The following BIRC6 variants were observed in gnomAD, a reference collection of about 807,000 sequenced individuals.
The protein encoded by BIRC6 is baculoviral IAP repeat containing 6, also known as dual E2 ubiquitin-conjugating enzyme/E3 ubiquitin-protein ligase BIRC6.
A neutral mutation model predicts 503.3 loss-of-function variants in BIRC6; 98 were observed. That is an observed-to-expected ratio of 0.19 (90% CI 0.17 to 0.23). The LOEUF (loss-of-function observed/expected upper bound fraction) is 0.23. BIRC6 is among the 10% of genes least tolerant of loss of function. The pLI is 1.00. For missense variants in BIRC6, 5,360 were observed against 5,806.0 expected (o/e 0.92, Z 2.50); for synonymous variants, 2,240 against 2,078.7 (o/e 1.08, Z -2.11).
chr2:32,583,694 G>C (rs755792497), intron 66 of BIRC6, among the ~76,000 whole-genome samples: 3 of 152,126 alleles, frequency 2.0e-5, no homozygotes, highest in African/African-American at 4.8e-5. Context: ...CATTTTGAAT[G>C]TGTACTTTAC....
intron 66 of BIRC6, among the ~76,000 whole-genome samples, chr2:32,589,951 T>C (rs966965098): frequency 6.6e-6 from 1 of 152,188 alleles, no homozygotes; most frequent in Non-Finnish European, 1.5e-5. Context: ...ATATTTTTCT[T>C]TCAACATTCA....
chr2:32,403,573 T>C (rs755281501), intron 8 of BIRC6, among the ~76,000 whole-genome samples: 1 of 152,188 alleles, frequency 6.6e-6, no homozygotes, highest in Non-Finnish European at 1.5e-5. Flanking sequence ...GTATATCAGG[T>C]CAAGTTGGTA....
At chr2:32,401,963 A>T (rs1156964380) in intron 8 of BIRC6, among the ~76,000 whole-genome samples, 1 of 152,214 alleles carries the variant, frequency 6.6e-6, no homozygotes, top group Non-Finnish European at 1.5e-5. Context: ...AAATCTTTTC[A>T]TAGAGCATTC....
Position 32,442,208 on chromosome 2 carries a change from A to G in BIRC6, c.4088A>G (p.His1363Arg). The change falls in exon 18 of 74, where the codon CAT becomes CGT. Residue 1363 changes from histidine (H) to arginine (R), a missense_variant. Coordinates refer to ENST00000421745, the MANE Select transcript of BIRC6 (RefSeq NM_016252.4). ...ACTCTCTGTTGGTTAGCTGGAGTTC[A>G]TTCAAATGGACCCGGAAGGTTAATA... ...LDTLCWLAGV[H>R]SNGPGSSKEG... 1.2e-6 allele frequency: 2 copies of G among 1,606,838 alleles called. No individual in the cohort carries two copies. The highest frequency in any genetic ancestry group is 1.3e-5 in the African/African-American group (1 of 74,470).
chr2:32,613,379 T>TTTTA (rs1215149700), intron 73 of BIRC6, among the ~76,000 whole-genome samples: 3 of 151,800 alleles, frequency 2.0e-5, no homozygotes, highest in South Asian at 2.1e-4. Flanking sequence ...TCATTATTTA[T>TTTTA]TTTATTTATT....
At chr2:32,488,853 G>C (rs1454245442) in intron 42 of BIRC6, 139 bp downstream of exon 42, 4 of 601,190 alleles carry the variant, frequency 6.7e-6, no homozygotes, top group Non-Finnish European at 7.9e-6. Flanking sequence ...TTTTTAAAAA[G>C]ATGCACTAAC....
rs566542090 is a variant in BIRC6, at chr2:32,504,936, T to C, written c.9500-69T>C. On this transcript the variant is annotated intron_variant, in intron 49 of 73. Coordinates refer to ENST00000421745, the MANE Select transcript of BIRC6 (RefSeq NM_016252.4). ...AATTTTTCTAGTTTAATTGTATTTG[T>C]ATAGATTTTAAAGCTTTATTATGTT... The C allele has an allele frequency of 4.1e-5, 55 of 1,332,538 alleles. No individual in the cohort carries two copies. The African/African-American group carries it at 6.2e-4, about 15-fold the overall frequency. The allele number at this position is 1,332,538 out of a possible 1,614,324, so 82.5% of individuals were successfully genotyped here. A position where few individuals can be genotyped will look rare whatever the true frequency, so the allele number is the denominator to read the frequency against.
chr2:32,357,169 CTGGTGGTGGT>C lies in BIRC6; in HGVS notation c.9_18del (p.Gly4LeufsTer14). 1.3e-6 allele frequency: 2 copies of C among 1,521,834 alleles called. No homozygotes were observed. The highest frequency in any genetic ancestry group is 1.7e-6 in the Non-Finnish European group (2 of 1,144,850). The allele number at this position is 1,521,834 out of a possible 1,614,324, so 94.3% of individuals were successfully genotyped here. On this transcript the variant is annotated frameshift_variant, in exon 1 of 74. Coordinates refer to ENST00000421745, the MANE Select transcript of BIRC6 (RefSeq NM_016252.4). LOFTEE classifies it high-confidence loss of function. This position sits in a 1 kb window ranked among gnomAD's most constrained non-coding sequence, Gnocchi z 4.9. ...CTTGCCCCCTGGCCCCGGATGGTGA[CTGGTGGTGGT>C]GCTGCACCTCCCGGGACTGTCACTG...
chr2:32,431,439 A>G (rs751228451), intron 12 of BIRC6, among the ~76,000 whole-genome samples: 1 of 151,826 alleles, frequency 6.6e-6, no homozygotes, highest in Non-Finnish European at 1.5e-5. Context: ...CAGGTGATCC[A>G]CCTACCTCGG....
At position 32,364,956 on chromosome 2, in the gene BIRC6, C is replaced by A. The variant is rs548148766; in HGVS notation, c.325+7470C>A. On this transcript the variant is annotated intron_variant, in intron 1 of 73. Transcript: ENST00000421745. ...AATTCCTGGCTAACTTCGGTACATG[C>A]GGCATTCCTACTCTCAACTATTCTT... Among the ~76,000 whole-genome samples, 13 of 152,138 alleles carry A rather than the reference C, an allele frequency of 8.5e-5. No homozygotes were observed. In the East Asian group the frequency reaches 2.5e-3, roughly 29 times the overall value.
At position 32,493,528 on chromosome 2, in the gene BIRC6, A is replaced by T. The variant is rs745796205; in HGVS notation, c.8341-12A>T. ...AGTAAGCAGTTTTCAGTGAATATAC[A>T]TTTCTCTTTAGGTTGGTCCTACAGC... On this transcript the variant is annotated splice_polypyrimidine_tract_variant and intron_variant, in intron 44 of 73. Coordinates refer to ENST00000421745, the MANE Select transcript of BIRC6 (RefSeq NM_016252.4). 4.4e-6 allele frequency: 7 copies of T among 1,591,508 alleles called. No homozygotes were observed. The highest frequency in any genetic ancestry group is 6.0e-6 in the Non-Finnish European group (7 of 1,166,148).
chr2:32,357,113 G>A lies in BIRC6; in HGVS notation c.-49G>A. On this transcript the variant is annotated 5_prime_UTR_variant, in exon 1 of 74. Transcript: ENST00000421745. This position sits in a 1 kb window ranked among gnomAD's most constrained non-coding sequence, Gnocchi z 4.9. Reference sequence around the variant, plus strand: ...ATCGACGTTCCGCGTGCGTGCGGGCGCCTGACTTCACTTCCGGCTAACGCG... The same window carrying A: ...ATCGACGTTCCGCGTGCGTGCGGGCACCTGACTTCACTTCCGGCTAACGCG... The A allele has an allele frequency of 2.1e-6, 3 of 1,408,282 alleles. No homozygotes were observed. The highest frequency in any genetic ancestry group is 2.9e-5 in the East Asian group (1 of 34,328). 87.2% of individuals were successfully genotyped at this position (1,408,282 alleles called of 1,614,324 possible). A position where few individuals can be genotyped will look rare whatever the true frequency, so the allele number is the denominator to read the frequency against.
At chr2:32,597,339 G>T (rs769544716) in intron 68 of BIRC6, among the ~76,000 whole-genome samples, 1 of 152,082 alleles carries the variant, frequency 6.6e-6, no homozygotes. Context: ...GAAGAGAAAT[G>T]ATTGATTAAA....
chr2:32,612,025 G>A (rs1238967307), intron 73 of BIRC6, among the ~76,000 whole-genome samples: 1 of 152,114 alleles, frequency 6.6e-6, no homozygotes, highest in African/African-American at 2.4e-5. Flanking sequence ...ACAGGTAGCT[G>A]CCACAGTGCC....
chr2:32,504,812 T>C (rs1186895869), intron 49 of BIRC6, among the ~76,000 whole-genome samples, 193 bp from the exon 50 acceptor site: 2 of 152,228 alleles, frequency 1.3e-5, no homozygotes, highest in Non-Finnish European at 2.9e-5. Context: ...CTTGTCACCT[T>C]GCCAGTTGAC....
At chr2:32,384,852 C>T (rs528039056) in intron 3 of BIRC6, among the ~76,000 whole-genome samples, 1 of 152,238 alleles carries the variant, frequency 6.6e-6, no homozygotes, top group East Asian at 1.9e-4. Flanking sequence ...ATAACTTCTC[C>T]CATTTCTTCT....
At position 32,379,449 on chromosome 2, in the gene BIRC6, C is replaced by G. The variant is rs190888674; in HGVS notation, c.508-704C>G. 1.4e-4 allele frequency: 22 copies of G among 152,314 alleles called. No homozygotes were observed. The East Asian group carries it at 4.0e-3, about 28-fold the overall frequency. The allele number at this position is 152,314 out of a possible 1,614,324, so 9.4% of individuals were successfully genotyped here. A position where few individuals can be genotyped will look rare whatever the true frequency, so the allele number is the denominator to read the frequency against. On this transcript the variant is annotated intron_variant, in intron 2 of 73. Coordinates refer to ENST00000421745, the MANE Select transcript of BIRC6 (RefSeq NM_016252.4). ...TCTCAAGTCAGTGTTTTTCCTACTA[C>G]AGTGAAATGCTGTTTAGCTTCTATC...
intron 11 of BIRC6, among the ~76,000 whole-genome samples, chr2:32,430,268 T>C (rs867674113): frequency 5.3e-5 from 8 of 152,228 alleles, no homozygotes; most frequent in Non-Finnish European, 8.8e-5. Flanking sequence ...TGTGAATACA[T>C]GTATAGCATT....
intron 45 of BIRC6, among the ~76,000 whole-genome samples, chr2:32,496,235 T>G (rs2052454815): frequency 6.7e-6 from 1 of 149,752 alleles, no homozygotes; most frequent in Admixed American, 6.7e-5. Context: ...TTCATACACT[T>G]TTTTTTTTTT....
Sources: gnomAD v4.1 joint callset for allele counts (sites outside exome capture counted in the v4.1 genomes callset) on GRCh38, gnomAD v4.1.1 for gene constraint, Gnocchi (gnomAD v3.1) non-coding constraint, MANE v1.5 for transcripts, NCBI Gene and HGNC (gene_info 2026-07-23, HGNC 2026-07-21) for gene names.